DNAH6: variants seen among roughly 807,000 people sequenced by gnomAD.
DNAH6 encodes axonemal beta dynein heavy chain 6.
Under a neutral mutation model 491.4 loss-of-function variants are expected in DNAH6, and 340 were observed. The ratio of observed to expected loss-of-function variants is 0.69; its 90% confidence interval spans 0.63 to 0.76. The LOEUF (loss-of-function observed/expected upper bound fraction) is 0.76. Among genes scored for constraint, DNAH6 ranks in the 30% least tolerant of loss-of-function variants. The pLI, the probability that DNAH6 is intolerant of heterozygous loss-of-function variation, is 0.00. For missense variants in DNAH6, 4,443 were observed against 4,972.2 expected (o/e 0.89, Z 3.20); for synonymous variants, 1,603 against 1,686.1 (o/e 0.95, Z 1.21).
the DNAH6 span, chr2:84,460,087 G>A: frequency 1.3e-5 from 2 of 152,250 alleles, no homozygotes; most frequent in Non-Finnish European, 2.9e-5. Flanking sequence ...AGAGTCAAAA[G>A]GTAAACAAGA....
chr2:84,787,063 G>A, intron 67 of DNAH6, 101 bp from the exon 68 acceptor site: 1 of 835,344 alleles, frequency 1.2e-6, no homozygotes, highest in African/African-American at 1.8e-5. Flanking sequence ...GCAGTGTGGG[G>A]ATGCCCATTT....
At chr2:84,707,364 G>A (rs990935508) in intron 53 of DNAH6, among the ~76,000 whole-genome samples, 156 bp from the exon 54 acceptor site, 1 of 152,216 alleles carries the variant, frequency 6.6e-6, no homozygotes, top group Non-Finnish European at 1.5e-5. Flanking sequence ...TCTGAAATGG[G>A]AATTAATGCT....
Position 84,787,265 on chromosome 2 carries a change from A to C in DNAH6, c.11202A>C (p.Glu3734Asp). 1 of 1,548,922 alleles carries C rather than the reference A, an allele frequency of 6.5e-7. No homozygotes were observed. Residue 3734 changes from glutamate (E) to aspartate (D), a missense_variant, in exon 68 of 77, where the codon GAA (glutamate) becomes GAC (aspartate). Glu to Asp is a conservative substitution (Grantham distance 45, BLOSUM62 2). Transcript: ENST00000389394. ...TGAATCTCAAACTCTATTGTAAAGA[A>C]GGAAAGATTCCCTGGGATGCACTAA... ...ALLNLKLYCK[E>D]GKIPWDALIY... is the part of the protein sequence containing the mutation.
chr2:84,801,977 A>C lies in DNAH6; in HGVS notation c.11482-3688A>C, dbSNP rs148348670. The stretch of plus-strand genomic sequence containing the variant: ...GCCAAACTAAGCCTTATAAACAAAA[A>C]ACAAATAAAATCTTTCCCAAGCAAG... On this transcript the variant is annotated intron_variant, in intron 70 of 76. Coordinates refer to ENST00000389394, the MANE Select transcript of DNAH6 (RefSeq NM_001370.2). 5.6e-4 allele frequency among the ~76,000 whole-genome samples: 85 copies of C among 152,292 alleles called. 1 individual carries two copies. Among genetic ancestry groups the C allele is most frequent in the African/African-American group, 1.9e-3 (81 of 41,570 alleles).
intron 63 of DNAH6, among the ~76,000 whole-genome samples, chr2:84,760,230 G>A (rs1354528334): frequency 6.6e-6 from 1 of 152,066 alleles, no homozygotes; most frequent in Non-Finnish European, 1.5e-5. Context: ...AAAACCAAGG[G>A]AAACTCTTCT....
intron 34 of DNAH6, 22 bp from the exon 35 acceptor site, chr2:84,654,638 G>C (rs1336533793): frequency 1.9e-6 from 3 of 1,550,080 alleles, no homozygotes; most frequent in Admixed American, 2.0e-5. Flanking sequence ...GCTGTTTCCT[G>C]TTCAATTTTC....
At chr2:84,745,389 A>G (rs1672867502) in intron 63 of DNAH6, 140 bp downstream of exon 63, 2 of 644,788 alleles carry the variant, frequency 3.1e-6, no homozygotes, top group Non-Finnish European at 2.4e-6. Flanking sequence ...ACATGGGCCG[A>G]GCGCCGTGGC....
intron 11 of DNAH6, among the ~76,000 whole-genome samples, chr2:84,566,481 T>C (rs1681204552): frequency 6.6e-6 from 1 of 152,012 alleles, no homozygotes; most frequent in South Asian, 2.1e-4. Context: ...ATTTCTTAAA[T>C]GGAATGACTC....
In DNAH6 at chr2:84,529,062, C is replaced by A. The variant is rs1454246851; in HGVS notation, c.558C>A (p.Pro186=). The change falls in exon 4 of 77, where the codon CCC becomes CCA. Residue 186 remains proline, a synonymous_variant. Coordinates refer to ENST00000389394, the MANE Select transcript of DNAH6 (RefSeq NM_001370.2). The stretch of plus-strand genomic sequence containing the variant: ...TTGTTAAAGCCAACATTCGTGATCC[C>A]TTGCAAATCATTAAAATAATACGTG... ...EEVVKANIRD[P]LQIIKIIREN... 6.4e-7 allele frequency: 1 copy of A among 1,551,092 alleles called. No homozygotes were observed. The highest frequency in any genetic ancestry group is 2.4e-5 in the East Asian group (1 of 40,886).
At chr2:84,661,793 A>G (rs997473600) in intron 37 of DNAH6, among the ~76,000 whole-genome samples, 1 of 151,814 alleles carries the variant, frequency 6.6e-6, no homozygotes, top group Admixed American at 6.5e-5. Context: ...TGACAATCTC[A>G]TTCTAAAATT....
chr2:84,689,381 ATC>A (rs1372528886), intron 45 of DNAH6, among the ~76,000 whole-genome samples: 1 of 152,128 alleles, frequency 6.6e-6, no homozygotes, highest in Admixed American at 6.5e-5. Flanking sequence ...TCATTTTATC[ATC>A]TCTCAATTTT....
intron 11 of DNAH6, among the ~76,000 whole-genome samples, chr2:84,571,524 A>G (rs1681869096): frequency 6.6e-6 from 1 of 152,220 alleles, no homozygotes; most frequent in South Asian, 2.1e-4. Flanking sequence ...ATGAGGAAAT[A>G]TAAAACACAC....
the DNAH6 span, among the ~76,000 whole-genome samples, chr2:84,498,586 A>G: frequency 6.6e-6 from 1 of 152,226 alleles, no homozygotes; most frequent in East Asian, 1.9e-4. Context: ...GATTCAAGCC[A>G]AAGGCCTCCT....
At chr2:84,652,355 G>A (rs939917764) in intron 33 of DNAH6, among the ~76,000 whole-genome samples, 2 of 151,920 alleles carry the variant, frequency 1.3e-5, no homozygotes, top group African/African-American at 2.4e-5. Context: ...GAGTCATTGG[G>A]AATCATTTCC....
intron 40 of DNAH6, among the ~76,000 whole-genome samples, chr2:84,674,567 G>T (rs1171831149): frequency 1.3e-5 from 2 of 152,184 alleles, no homozygotes; most frequent in African/African-American, 4.8e-5. Context: ...CACCAACACA[G>T]GGAGCCCCGG....
At chr2:84,484,024 A>T in the DNAH6 span, among the ~76,000 whole-genome samples, 1 of 152,116 alleles carries the variant, frequency 6.6e-6, no homozygotes, top group Non-Finnish European at 1.5e-5. Context: ...TGTTGACAGA[A>T]ATGGGGATGA....
upstream of DNAH6, among the ~76,000 whole-genome samples, chr2:84,515,433 C>T (rs1675525279): frequency 6.6e-6 from 1 of 152,128 alleles, no homozygotes; most frequent in Non-Finnish European, 1.5e-5. Flanking sequence ...GGGAGTTGGA[C>T]TATGTGACCT....
At chr2:84,693,079 C>A (rs1418907516) in intron 45 of DNAH6, among the ~76,000 whole-genome samples, 2 of 151,880 alleles carry the variant, frequency 1.3e-5, no homozygotes, top group African/African-American at 2.4e-5. Context: ...GGGTTCAGTC[C>A]CAGTGGTTTC....
chr2:84,537,471 A>G (rs1276948340), intron 4 of DNAH6, among the ~76,000 whole-genome samples: 1 of 152,018 alleles, frequency 6.6e-6, no homozygotes, highest in Non-Finnish European at 1.5e-5. Context: ...CTGAGTTGAC[A>G]CCTAGGGAGA....
Sources: allele counts gnomAD v4.1 joint callset (sites outside exome capture counted in the v4.1 genomes callset), GRCh38; gene constraint gnomAD v4.1.1; transcripts MANE v1.5; gene names NCBI Gene and HGNC (gene_info 2026-07-23, HGNC 2026-07-21).